Variants in NEK7 observed in about 807,000 individuals in gnomAD.
The protein encoded by NEK7 is NIMA related kinase 7.
Under a neutral mutation model 44.6 loss-of-function variants are expected in NEK7, and 18 were observed. The ratio of observed to expected loss-of-function variants is 0.40; its 90% CI spans 0.28 to 0.60. The LOEUF (loss-of-function observed/expected upper bound fraction) is 0.60, where lower values mean the gene tolerates loss of function less well. Ranked by LOEUF, NEK7 falls within the 20% of genes least tolerant of loss-of-function variation. NEK7 has a pLI of 0.38. For missense variants in NEK7, 256 were observed against 366.5 expected, an observed-to-expected ratio of 0.70 and a Z score of 2.46; for synonymous variants, 130 against 121.1, an observed-to-expected ratio of 1.07 and a Z score of -0.48.
chr1:198,181,491 A>T (rs1301045797), intron 1 of NEK7, among the ~76,000 whole-genome samples: 1 of 152,074 alleles, frequency 6.6e-6, no homozygotes, highest in Non-Finnish European at 1.5e-5. Flanking sequence ...TCTATCATGG[A>T]ATCTAACACC....
At chr1:198,201,219 C>T (rs955075965) in intron 1 of NEK7, among the ~76,000 whole-genome samples, 3 of 152,238 alleles carry the variant, frequency 2.0e-5, no homozygotes, top group East Asian at 1.9e-4. Flanking sequence ...GAATTTACTC[C>T]ATAGGTCATA....
At chr1:198,264,311 G>A in intron 5 of NEK7, 76 bp downstream of exon 5, 1 of 1,002,262 alleles carries the variant, frequency 1.0e-6, no homozygotes, top group Non-Finnish European at 1.5e-6. Flanking sequence ...AACACATAGG[G>A]ATATTAGATA....
intron 1 of NEK7, among the ~76,000 whole-genome samples, chr1:198,181,193 T>A (rs1181397739): frequency 2.0e-5 from 3 of 152,052 alleles, no homozygotes; most frequent in Non-Finnish European, 4.4e-5. Context: ...TTTTGTTAGG[T>A]CAACCATATA....
At chr1:198,182,435 G>T (rs889669119) in intron 1 of NEK7, among the ~76,000 whole-genome samples, 1 of 151,984 alleles carries the variant, frequency 6.6e-6, no homozygotes, top group African/African-American at 2.4e-5. Flanking sequence ...ATGTGTGTGC[G>T]CATGTGAGAG....
chr1:198,278,113 T>C (rs765034929), intron 6 of NEK7, 44 bp downstream of exon 6: 1 of 1,045,354 alleles, frequency 9.6e-7, no homozygotes, highest in African/African-American at 1.6e-5. Flanking sequence ...TTTTAAATGA[T>C]GTAAGTTCTT....
rs1371484141 is a variant in NEK7, at chr1:198,231,297, GTGTGTATATATATATATA to G, written c.-28-1254_-28-1237del. 4.0e-4 allele frequency among the ~76,000 whole-genome samples: 36 copies of G among 90,188 alleles called. No individual in the cohort carries two copies. The East Asian group carries it at 4.7e-3, about 12-fold the overall frequency. 59.2% of individuals were successfully genotyped at this position (90,188 alleles called of 152,430 possible). On this transcript the variant is annotated intron_variant, in intron 1 of 9. Transcript: ENST00000367385. ...TGTGTGTGTATATACGTGTATGTGT[GTGTGTATATATATATATA>G]TATATATATATATATATATATAAAA...
At chr1:198,234,918 T>G (rs761601365) in intron 2 of NEK7, among the ~76,000 whole-genome samples, 3 of 152,220 alleles carry the variant, frequency 2.0e-5, no homozygotes, top group Non-Finnish European at 2.9e-5. Flanking sequence ...CTTATAGGCA[T>G]TATTGCTTAT....
chr1:198,167,373 G>A (rs574871963), intron 1 of NEK7, among the ~76,000 whole-genome samples: 1 of 152,276 alleles, frequency 6.6e-6, no homozygotes, highest in East Asian at 1.9e-4. Flanking sequence ...CTTAACAGCA[G>A]ATTTTAAGAT....
chr1:198,306,659 T>TG (rs1178499695), intron 9 of NEK7, among the ~76,000 whole-genome samples: 1 of 152,158 alleles, frequency 6.6e-6, no homozygotes, highest in Non-Finnish European at 1.5e-5. Flanking sequence ...TTTATGATTG[T>TG]TATTTAGTCT....
intron 1 of NEK7, among the ~76,000 whole-genome samples, chr1:198,212,471 A>G (rs766827044): frequency 2.5e-4 from 38 of 152,276 alleles, no homozygotes; most frequent in Non-Finnish European, 4.6e-4. Flanking sequence ...CCCACTCCCA[A>G]TGGGGATTCT....
At chr1:198,309,076 C>T (rs779592350) in intron 9 of NEK7, among the ~76,000 whole-genome samples, 1 of 152,052 alleles carries the variant, frequency 6.6e-6, no homozygotes, top group Non-Finnish European at 1.5e-5. Context: ...GACTTTAATA[C>T]AAGTATGTGA....
intron 1 of NEK7, among the ~76,000 whole-genome samples, chr1:198,197,105 G>A (rs911791091): frequency 6.6e-6 from 1 of 152,088 alleles, no homozygotes; most frequent in Non-Finnish European, 1.5e-5. Context: ...TACTTGGCCC[G>A]GTACTTGGCA....
chr1:198,316,784 A>G (rs1006511154), intron 9 of NEK7, among the ~76,000 whole-genome samples: 2 of 152,254 alleles, frequency 1.3e-5, no homozygotes, highest in Non-Finnish European at 2.9e-5. Context: ...TGAATGAACA[A>G]TTGAATGAAC....
intron 3 of NEK7, among the ~76,000 whole-genome samples, chr1:198,260,573 A>G (rs1026430895): frequency 7.9e-5 from 12 of 152,030 alleles, no homozygotes; most frequent in African/African-American, 2.9e-4. Context: ...TCTTTAATAT[A>G]TGTACCGGCA....
intron 9 of NEK7, among the ~76,000 whole-genome samples, chr1:198,312,523 G>A (rs1460533829): frequency 6.6e-6 from 1 of 152,006 alleles, no homozygotes; most frequent in Non-Finnish European, 1.5e-5. Flanking sequence ...TCTTTTAATT[G>A]TGATGTTAGG....
At chr1:198,200,569 G>T (rs61831662) in intron 1 of NEK7, among the ~76,000 whole-genome samples, 1 of 145,932 alleles carries the variant, frequency 6.9e-6, no homozygotes, top group Non-Finnish European at 1.5e-5. Flanking sequence ...TTTTTTTTTG[G>T]AGATGGGGTC....
chr1:198,285,458 T>G (rs1654338658), intron 7 of NEK7, among the ~76,000 whole-genome samples: 1 of 152,186 alleles, frequency 6.6e-6, no homozygotes, highest in Non-Finnish European at 1.5e-5. Flanking sequence ...TTGTAGACGC[T>G]TGTTGGTCTT....
intron 2 of NEK7, among the ~76,000 whole-genome samples, chr1:198,242,579 A>C (rs926175313): frequency 6.0e-5 from 9 of 148,922 alleles, no homozygotes; most frequent in African/African-American, 2.0e-4. Context: ...CTCCTGCCTC[A>C]GCCTCCCGAG....
rs1019764329 is a variant in NEK7, at chr1:198,321,447, G to A, written c.*1925G>A. 2.0e-5 allele frequency: 3 copies of A among 152,020 alleles called. No homozygotes were observed. The highest frequency in any genetic ancestry group is 2.9e-5 in the Non-Finnish European group (2 of 67,964). The allele number at this position is 152,020 out of a possible 1,614,324, so 9.4% of individuals were successfully genotyped here. A position where few individuals can be genotyped will look rare whatever the true frequency, so the allele number is the denominator to read the frequency against. Reference sequence around the variant, plus strand: ...GTTCATTTTAATGTAATATAATTGAGATGAAATGTTCTCTGGTTGGAACAG... The same window carrying A: ...GTTCATTTTAATGTAATATAATTGAAATGAAATGTTCTCTGGTTGGAACAG... On this transcript the variant is annotated 3_prime_UTR_variant, in exon 10 of 10. Coordinates refer to ENST00000367385, the MANE Select transcript of NEK7 (RefSeq NM_133494.3).
Sources: allele counts gnomAD v4.1 joint callset (sites outside exome capture counted in the v4.1 genomes callset), GRCh38; gene constraint gnomAD v4.1.1; transcripts MANE v1.5; gene names NCBI Gene and HGNC (gene_info 2026-07-23, HGNC 2026-07-21).